Variants in LARP1B observed in about 807,000 individuals in gnomAD.
LARP1B encodes La ribonucleoprotein 1B.
In LARP1B, 76 loss-of-function variants were observed where a neutral mutation model predicts 114.2. That is an observed-to-expected ratio of 0.67 (90% CI 0.55 to 0.81). The LOEUF (loss-of-function observed/expected upper bound fraction) is 0.81. Ranked by LOEUF, LARP1B falls within the 30% of genes least tolerant of loss-of-function variation. The pLI, the probability that LARP1B is intolerant of heterozygous loss-of-function variation, is 0.00. For synonymous variants in LARP1B, 345 were observed against 348.0 expected (o/e 0.99, Z 0.10); for missense variants, 1,014 against 1,075.8 (o/e 0.94, Z 0.80).
At chr4:128,149,837 A>G (rs1296645437) in intron 11 of LARP1B, among the ~76,000 whole-genome samples, 5 of 152,206 alleles carry the variant, frequency 3.3e-5, no homozygotes, top group Non-Finnish European at 7.3e-5. Flanking sequence ...CAGGAAGTCC[A>G]CTAGTGGTAA....
chr4:128,110,987 G>T (rs1217860656), intron 9 of LARP1B, among the ~76,000 whole-genome samples: 3 of 151,760 alleles, frequency 2.0e-5, no homozygotes, highest in Non-Finnish European at 4.4e-5. Flanking sequence ...AAGTTTGGAG[G>T]ATACTTGAGC....
intron 11 of LARP1B, among the ~76,000 whole-genome samples, chr4:128,142,345 G>A (rs1580937779): frequency 2.0e-5 from 3 of 152,160 alleles, no homozygotes; most frequent in Non-Finnish European, 4.4e-5. Context: ...AGATGGTTAT[G>A]TGGGACCAGA....
At chr4:128,109,056 A>T (rs1051257972) in intron 9 of LARP1B, among the ~76,000 whole-genome samples, 6 of 152,294 alleles carry the variant, frequency 3.9e-5, no homozygotes, top group African/African-American at 1.4e-4. Flanking sequence ...ATATAGGAAG[A>T]TGGAGGGTTC....
intron 7 of LARP1B, among the ~76,000 whole-genome samples, chr4:128,094,566 C>T (rs1777213828): frequency 1.3e-5 from 2 of 151,100 alleles, no homozygotes; most frequent in Non-Finnish European, 2.9e-5. Context: ...GACACTGCGC[C>T]CAGCTAATTT....
chr4:128,137,432 A>G (rs1473831487), intron 11 of LARP1B, among the ~76,000 whole-genome samples: 4 of 152,330 alleles, frequency 2.6e-5, no homozygotes, highest in African/African-American at 9.6e-5. Context: ...GAGGGGAAGA[A>G]CAAGAGGCAG....
Position 128,107,227 on chromosome 4 carries a change from C to T in LARP1B, c.902C>T (p.Pro301Leu), listed in dbSNP as rs183387342. The T allele has an allele frequency of 4.3e-5, 70 of 1,614,036 alleles. No individual in the cohort carries two copies. The highest frequency in any genetic ancestry group is 2.0e-4 in the Admixed American group (12 of 60,012). Residue 301 changes from proline (P) to leucine (L), a missense_variant, in exon 9 of 20, where the codon CCT becomes CTT. Pro to Leu is a moderately conservative substitution (Grantham distance 98). Transcript: ENST00000326639. Reference protein sequence around the residue: ...EPEKWPIPGPPPRSVPPTDFS... With the variant: ...EPEKWPIPGPLPRSVPPTDFS... ...GAAAAATGGCCAATTCCAGGCCCTC[C>T]TCCACGCAGTGTGCCACCAACAGAC...
At chr4:128,122,238 A>G (rs1391696866) in intron 11 of LARP1B, 50 bp downstream of exon 11, 1 of 1,588,034 alleles carries the variant, frequency 6.3e-7, no homozygotes, top group African/African-American at 1.4e-5. Context: ...TTTTGATTGT[A>G]TGTTGCTGTT....
intron 7 of LARP1B, among the ~76,000 whole-genome samples, chr4:128,094,095 T>A (rs1328271560): frequency 6.6e-6 from 1 of 151,968 alleles, no homozygotes; most frequent in Non-Finnish European, 1.5e-5. Context: ...AGATGCTAAT[T>A]TTTGTATTTT....
chr4:128,190,445 G>A (rs1039076836), intron 15 of LARP1B, among the ~76,000 whole-genome samples: 1 of 152,030 alleles, frequency 6.6e-6, no homozygotes, highest in Non-Finnish European at 1.5e-5. Context: ...TATTGATATG[G>A]TTTGGCTTTG....
At chr4:128,203,785 A>G (rs184010470) in intron 17 of LARP1B, among the ~76,000 whole-genome samples, 2 of 152,330 alleles carry the variant, frequency 1.3e-5, no homozygotes, top group East Asian at 1.9e-4. Context: ...CATCTCTTCA[A>G]TGTGCTAGCT....
chr4:128,077,903 A>G lies in LARP1B; in HGVS notation c.158A>G (p.Asn53Ser). ...AAAGAAAACCGGGAAACAAAATTAA[A>G]TGGTCCTGGTGAAAACGTCAGTGAG... is the stretch of plus-strand genomic sequence containing the variant. ...DSKENRETKL[N>S]GPGENVSEDE... Residue 53 changes from asparagine to serine, a missense_variant, in exon 4 of 20, where the codon AAT (asparagine) becomes AGT (serine). Transcript: ENST00000326639. The G allele has an allele frequency of 6.2e-7, 1 of 1,613,728 alleles. No homozygotes were observed. The highest frequency in any genetic ancestry group is 8.5e-7 in the Non-Finnish European group (1 of 1,179,858).
At chr4:128,100,125 A>G (rs941923226) in intron 8 of LARP1B, among the ~76,000 whole-genome samples, 5 of 150,954 alleles carry the variant, frequency 3.3e-5, no homozygotes, top group Non-Finnish European at 5.9e-5. Flanking sequence ...ACACTCAGCT[A>G]ATTTTTAAAT....
intron 8 of LARP1B, 74 bp from the exon 9 acceptor site, chr4:128,107,064 AT>A: frequency 7.7e-7 from 1 of 1,295,012 alleles, no homozygotes; most frequent in Non-Finnish European, 1.1e-6. Context: ...AGGTTTTCAA[AT>A]TTTTAGGTTC....
Position 128,065,961 on chromosome 4 carries a change from ACG to A in LARP1B, c.-78+4562_-78+4563del, listed in dbSNP as rs1762628938. Reference sequence around the variant, plus strand: ...ATCCCAAGTAGTTGGGATGACAGGCACGCATGTCATTCCATGGAATTAGCCAT... The same window carrying A: ...ATCCCAAGTAGTTGGGATGACAGGCACATGTCATTCCATGGAATTAGCCAT... On this transcript the variant is annotated intron_variant, in intron 1 of 19. Coordinates refer to ENST00000326639, the MANE Select transcript of LARP1B (RefSeq NM_018078.4). Among the ~76,000 whole-genome samples the A allele has an allele frequency of 2.0e-5, 3 of 152,000 alleles. No homozygotes were observed. The South Asian group carries it at 6.2e-4, about 32-fold the overall frequency.
chr4:128,149,183 A>G (rs1308290813), intron 11 of LARP1B, among the ~76,000 whole-genome samples: 1 of 152,200 alleles, frequency 6.6e-6, no homozygotes, highest in Non-Finnish European at 1.5e-5. Context: ...AAAAAGTATT[A>G]TTATTGCTAA....
intron 1 of LARP1B, among the ~76,000 whole-genome samples, chr4:128,063,814 C>T (rs1761373200): frequency 6.6e-6 from 1 of 152,030 alleles, no homozygotes; most frequent in Non-Finnish European, 1.5e-5. Context: ...CCGTATCTTT[C>T]TAAATTAAGT....
chr4:128,119,212 G>A (rs915916478), intron 10 of LARP1B, among the ~76,000 whole-genome samples: 4 of 152,142 alleles, frequency 2.6e-5, no homozygotes, highest in Admixed American at 6.5e-5. Context: ...AAGTGAAAAC[G>A]TCCTATGGAC....
At chr4:128,123,803 C>T (rs1166885613) in intron 11 of LARP1B, 1 of 514,436 alleles carries the variant, frequency 1.9e-6, no homozygotes, top group Non-Finnish European at 2.5e-6. Context: ...TGAGAAACAT[C>T]CTATTTGTAG....
intron 11 of LARP1B, chr4:128,155,714 G>A (rs1292581505): frequency 5.0e-6 from 8 of 1,607,732 alleles, no homozygotes; most frequent in Non-Finnish European, 6.8e-6. Flanking sequence ...GAGCGCCGCC[G>A]AGTAAGGCCC....
Sources: gnomAD v4.1 joint callset for allele counts (sites outside exome capture counted in the v4.1 genomes callset) on GRCh38, gnomAD v4.1.1 for gene constraint, MANE v1.5 for transcripts, NCBI Gene and HGNC (gene_info 2026-07-23, HGNC 2026-07-21) for gene names.